Variants in CDYL observed in about 807,000 individuals in gnomAD.
CDYL encodes the protein chromodomain Y-like protein.
CDYL carries 8 observed loss-of-function variants against 47.3 expected under a neutral mutation model. The observed-to-expected ratio is 0.17, with a 90% CI of 0.10 to 0.31. The LOEUF (loss-of-function observed/expected upper bound fraction) is 0.31, where lower values mean the gene tolerates loss of function less well. Among genes scored for constraint, CDYL ranks in the 10% least tolerant of loss-of-function variants. The pLI is 1.00. For synonymous variants in CDYL, 266 were observed against 265.0 expected (o/e 1.00, Z -0.04); for missense variants, 471 against 701.4 (o/e 0.67, Z 3.71).
chr6:4,776,049 C>A (rs983230774), upstream of CDYL, among the ~76,000 whole-genome samples: 14 of 150,436 alleles, frequency 9.3e-5, no homozygotes, highest in Non-Finnish European at 2.1e-4. Context: ...GTCCCGCCTG[C>A]CCTGGGCCGG....
chr6:4,756,681 A>G (rs1758080778), intron 3 of CDYL, among the ~76,000 whole-genome samples: 1 of 152,024 alleles, frequency 6.6e-6, no homozygotes, highest in South Asian at 2.1e-4. Context: ...CATCTTCTAC[A>G]TCTCTCAGAT....
intron 1 of CDYL, among the ~76,000 whole-genome samples, chr6:4,794,202 A>G (rs1258215473): frequency 6.6e-6 from 1 of 152,076 alleles, no homozygotes; most frequent in African/African-American, 2.4e-5. Context: ...GCGGGGAGAT[A>G]AGAGACACAG....
chr6:4,947,904 T>G lies in CDYL; in HGVS notation c.1332+4148T>G, dbSNP rs113661104. Among the ~76,000 whole-genome samples the G allele has an allele frequency of 7.4e-3, 1,123 of 152,100 alleles. 3 individuals carry two copies. The highest frequency in any genetic ancestry group is 0.014 in the Middle Eastern group (4 of 294). On this transcript the variant is annotated intron_variant, in intron 5 of 6. Coordinates refer to ENST00000397588, the MANE Select transcript of CDYL (RefSeq NM_004824.4). ...GCGGTCCATGGGGGAGGCCCTGAGCTCTCTGTTGCCTGCTGACAGCACTTC... is the reference window on the plus strand; with the variant it reads ...GCGGTCCATGGGGGAGGCCCTGAGCGCTCTGTTGCCTGCTGACAGCACTTC...
At chr6:4,811,834 C>T (rs998745236) in intron 1 of CDYL, among the ~76,000 whole-genome samples, 5 of 152,068 alleles carry the variant, frequency 3.3e-5, no homozygotes, top group African/African-American at 4.8e-5. Context: ...CACTGTTACC[C>T]GGGCTGGTCT....
At chr6:4,809,541 A>G (rs1759465266) in intron 1 of CDYL, among the ~76,000 whole-genome samples, 1 of 150,726 alleles carries the variant, frequency 6.6e-6, no homozygotes, top group African/African-American at 2.5e-5. Flanking sequence ...TAGGGGTATT[A>G]TATTAGTCCT....
At chr6:4,904,251 C>G (rs1287640985) in intron 2 of CDYL, among the ~76,000 whole-genome samples, 1 of 152,164 alleles carries the variant, frequency 6.6e-6, no homozygotes, top group Admixed American at 6.5e-5. Context: ...AGTGATGACA[C>G]CGAATGAATG....
intron 2 of CDYL, among the ~76,000 whole-genome samples, chr6:4,921,575 G>C (rs552829418): frequency 6.6e-6 from 1 of 151,966 alleles, no homozygotes; most frequent in Non-Finnish European, 1.5e-5. Context: ...GTTATTCCTC[G>C]TAGGTGGGTG....
chr6:4,839,170 A>G (rs1760414313), intron 1 of CDYL, among the ~76,000 whole-genome samples: 1 of 152,286 alleles, frequency 6.6e-6, no homozygotes, highest in South Asian at 2.1e-4. Flanking sequence ...TTCCCTGATC[A>G]TTAGTGATGT....
rs200164499 is a variant in CDYL, at chr6:4,931,063, G to C, written c.692-4452G>C. 5.3e-5 allele frequency among the ~76,000 whole-genome samples: 8 copies of C among 152,202 alleles called. No individual in the cohort carries two copies. In the East Asian group the frequency reaches 1.5e-3, roughly 29 times the overall value. The stretch of plus-strand genomic sequence containing the variant: ...GCTTACCATCCCTGGCTTGGGTTGA[G>C]GTAATGAGCTGTGTGACACTTGGCC... On this transcript the variant is annotated intron_variant, in intron 2 of 6. Transcript: ENST00000397588.
At chr6:4,797,802 T>G (rs550703489) in intron 1 of CDYL, among the ~76,000 whole-genome samples, 1 of 152,380 alleles carries the variant, frequency 6.6e-6, no homozygotes, top group Admixed American at 6.5e-5. Flanking sequence ...ATTTTGTGGA[T>G]ACACTGTGAC....
At chr6:4,851,131 A>G (rs1463157469) in intron 1 of CDYL, among the ~76,000 whole-genome samples, 2 of 152,188 alleles carry the variant, frequency 1.3e-5, no homozygotes, top group East Asian at 1.9e-4. Flanking sequence ...GCCAGAGGAC[A>G]TGGACGTCTT....
chr6:4,865,202 C>T (rs138115642), intron 1 of CDYL, among the ~76,000 whole-genome samples: 1 of 152,182 alleles, frequency 6.6e-6, no homozygotes, highest in Non-Finnish European at 1.5e-5. Context: ...CATCTTGAGT[C>T]ATCCCTGGTC....
chr6:4,744,580 T>G (rs1442147156), intron 3 of CDYL, among the ~76,000 whole-genome samples: 1 of 152,204 alleles, frequency 6.6e-6, no homozygotes, highest in Non-Finnish European at 1.5e-5. Context: ...CTACTACCAC[T>G]GATTACTTTA....
At chr6:4,949,143 T>C (rs992472061) in intron 5 of CDYL, among the ~76,000 whole-genome samples, 5 of 152,262 alleles carry the variant, frequency 3.3e-5, no homozygotes, top group African/African-American at 1.2e-4. Context: ...CCAAGGAGTC[T>C]CTTCCAGTTT....
intron 3 of CDYL, among the ~76,000 whole-genome samples, chr6:4,764,480 G>C (rs1758222706): frequency 6.6e-6 from 1 of 151,974 alleles, no homozygotes; most frequent in East Asian, 1.9e-4. Flanking sequence ...AGTAGAGGTG[G>C]GGTGTCACCA....
chr6:4,723,517 G>C lies in CDYL; in HGVS notation c.103+7636G>C, dbSNP rs114338380. Among the ~76,000 whole-genome samples the C allele has an allele frequency of 1.4e-3, 218 of 152,264 alleles. 2 individuals are homozygous for C. Among genetic ancestry groups the C allele is most frequent in the African/African-American group, 4.6e-3 (189 of 41,526 alleles). ...ACAGAGAAGCATCCTGGGCTAGCAA[G>C]AGTGGGGGCTGCCAGCACCTGAAAA... On this transcript the variant is annotated intron_variant, in intron 2 of 8. Transcript: ENST00000328908.
intron 1 of CDYL, among the ~76,000 whole-genome samples, chr6:4,708,216 C>G (rs1424303601): frequency 6.6e-6 from 1 of 152,066 alleles, no homozygotes; most frequent in African/African-American, 2.4e-5. Context: ...CTTGCTCTGT[C>G]ACCCAGGCAT....
At chr6:4,902,172 G>A (rs1383600734) in intron 2 of CDYL, among the ~76,000 whole-genome samples, 1 of 152,094 alleles carries the variant, frequency 6.6e-6, no homozygotes, top group Non-Finnish European at 1.5e-5. Context: ...GCCAAGGTGA[G>A]TGGATCAACT....
chr6:4,764,952 A>G (rs1411109975), intron 3 of CDYL, among the ~76,000 whole-genome samples: 1 of 152,266 alleles, frequency 6.6e-6, no homozygotes, highest in Non-Finnish European at 1.5e-5. Context: ...AAACTTAAGC[A>G]ATTTTGTGAC....
Sources: gnomAD v4.1 joint callset for allele counts (sites outside exome capture counted in the v4.1 genomes callset) on GRCh38, gnomAD v4.1.1 for gene constraint, MANE v1.5 for transcripts, NCBI Gene and HGNC (gene_info 2026-07-23, HGNC 2026-07-21) for gene names.